Variants in CSMD1 observed in about 807,000 individuals in gnomAD.
The protein encoded by CSMD1 is CUB and Sushi multiple domains 1.
CSMD1 carries 213 observed loss-of-function variants against 417.5 expected under a neutral mutation model. That is an observed-to-expected ratio of 0.51 (90% CI 0.46 to 0.57). The LOEUF (loss-of-function observed/expected upper bound fraction) is 0.57. Ranked by LOEUF, CSMD1 falls within the 20% of genes least tolerant of loss-of-function variation. The pLI, the probability that CSMD1 is intolerant of heterozygous loss-of-function variation, is 0.00. For synonymous variants in CSMD1, 2,862 were observed against 1,736.8 expected, an observed-to-expected ratio of 1.65 and a Z score of -16.11; for missense variants, 6,923 against 4,529.7, an observed-to-expected ratio of 1.53 and a Z score of -15.17.
At chr8:4,766,750 C>A (rs960209107) in intron 1 of CSMD1, among the ~76,000 whole-genome samples, 1 of 152,166 alleles carries the variant, frequency 6.6e-6, no homozygotes, top group African/African-American at 2.4e-5. Context: ...TGTTTCTTCA[C>A]GCCTGATTTA....
chr8:4,297,837 A>G (rs1471821612), intron 3 of CSMD1, among the ~76,000 whole-genome samples: 1 of 152,238 alleles, frequency 6.6e-6, no homozygotes, highest in Non-Finnish European at 1.5e-5. Flanking sequence ...TGAATATGCC[A>G]TTATATAAAC....
Position 3,118,425 on chromosome 8 carries a change from C to T in CSMD1, c.6404G>A (p.Trp2135Ter), listed in dbSNP as rs1260482722. 6.2e-7 allele frequency: 1 copy of T among 1,613,282 alleles called. No individual in the cohort carries two copies. The highest frequency in any genetic ancestry group is 1.7e-5 in the Admixed American group (1 of 59,900). ...LTCQHGINRN[W>*]NYPFPRCDAP... ...ATCACATCTTGGAAAAGGGTAGTTCCAGTTTCTGTTGATCCCATGCTGACA... is the reference window on the plus strand; with the variant it reads ...ATCACATCTTGGAAAAGGGTAGTTCTAGTTTCTGTTGATCCCATGCTGACA... The change falls in exon 42 of 70, where the codon TGG becomes TAG. Residue 2135 changes from tryptophan to a stop codon, truncating the protein, a stop_gained. Coordinates refer to ENST00000635120, the MANE Select transcript of CSMD1 (RefSeq NM_033225.6). LOFTEE classifies it high-confidence loss of function.
At chr8:3,602,544 T>C (rs1801413639) in intron 8 of CSMD1, among the ~76,000 whole-genome samples, 1 of 152,156 alleles carries the variant, frequency 6.6e-6, no homozygotes, top group African/African-American at 2.4e-5. Context: ...AGGCTTCTTT[T>C]AGCCTCAAAG....
chr8:3,450,216 G>A (rs761739578), intron 12 of CSMD1, among the ~76,000 whole-genome samples: 7 of 152,150 alleles, frequency 4.6e-5, no homozygotes, highest in South Asian at 2.1e-4. Flanking sequence ...TAACATCTCC[G>A]TTGACCAACT....
At chr8:4,131,190 C>T (rs1029816938) in intron 3 of CSMD1, among the ~76,000 whole-genome samples, 5 of 152,152 alleles carry the variant, frequency 3.3e-5, no homozygotes, top group African/African-American at 9.7e-5. Context: ...CAAAAGACTT[C>T]ATAGTTAAAT....
In CSMD1 at chr8:4,686,514, G is replaced by C. The variant is rs377173108; in HGVS notation, c.86-48956C>G. ...ATAACCTGTCTCTGAAAACACGGGA[G>C]CACAGCGAAGAACCTGAGCAAACAG... On this transcript the variant is annotated intron_variant, in intron 1 of 69. Coordinates refer to ENST00000635120, the MANE Select transcript of CSMD1 (RefSeq NM_033225.6). 1.3e-3 allele frequency among the ~76,000 whole-genome samples: 203 copies of C among 152,310 alleles called. 1 individual carries two copies. The highest frequency in any genetic ancestry group is 4.8e-3 in the African/African-American group (200 of 41,578).
chr8:4,985,220 G>T (rs1811114110), intron 1 of CSMD1, among the ~76,000 whole-genome samples: 1 of 152,070 alleles, frequency 6.6e-6, no homozygotes, highest in Admixed American at 6.5e-5. Context: ...GAGGGTGGTG[G>T]GTGGGAGGAG....
intron 10 of CSMD1, among the ~76,000 whole-genome samples, chr8:3,543,117 T>C (rs1469410833): frequency 6.6e-6 from 1 of 152,138 alleles, no homozygotes; most frequent in Non-Finnish European, 1.5e-5. Context: ...AATCTGTGCA[T>C]CCTGAAGGAT....
chr8:4,665,125 C>T (rs984808478), intron 1 of CSMD1, among the ~76,000 whole-genome samples: 6 of 152,134 alleles, frequency 3.9e-5, no homozygotes, highest in Non-Finnish European at 8.8e-5. Flanking sequence ...GTATTTCTGG[C>T]AATCTAGATT....
chr8:3,751,262 A>C (rs911472610), intron 6 of CSMD1, among the ~76,000 whole-genome samples: 1 of 151,008 alleles, frequency 6.6e-6, no homozygotes, highest in African/African-American at 2.4e-5. Context: ...ATTAAATGCC[A>C]AATTTTTGAC....
At chr8:4,019,671 G>A (rs1358551766) in intron 4 of CSMD1, among the ~76,000 whole-genome samples, 1 of 152,166 alleles carries the variant, frequency 6.6e-6, no homozygotes, top group African/African-American at 2.4e-5. Context: ...AGTGGCAGTT[G>A]TCTGAGATAA....
intron 23 of CSMD1, among the ~76,000 whole-genome samples, chr8:3,338,991 C>G (rs373645363): frequency 8.4e-4 from 106 of 126,054 alleles, no homozygotes; most frequent in African/African-American, 3.0e-3. Context: ...CCCCCTCCCC[C>G]CACCCCACAA....
chr8:4,305,897 A>G, intron 3 of CSMD1, among the ~76,000 whole-genome samples: 1 of 152,224 alleles, frequency 6.6e-6, no homozygotes, highest in East Asian at 1.9e-4. Flanking sequence ...ATTGTTCTCA[A>G]GCATCAGAAT....
chr8:3,641,084 C>G (rs538723631), intron 7 of CSMD1, among the ~76,000 whole-genome samples: 10 of 124,536 alleles, frequency 8.0e-5, no homozygotes, highest in African/African-American at 3.1e-4. Context: ...TGATTCAGGA[C>G]TCTGAGAAAG....
intron 3 of CSMD1, among the ~76,000 whole-genome samples, chr8:4,279,319 C>T (rs138139724): frequency 1.3e-5 from 2 of 152,284 alleles, no homozygotes; most frequent in African/African-American, 2.4e-5. Flanking sequence ...AAGAAACACA[C>T]AGTCACACAC....
intron 1 of CSMD1, among the ~76,000 whole-genome samples, chr8:4,762,135 T>C (rs1812149924): frequency 6.6e-6 from 1 of 152,024 alleles, no homozygotes; most frequent in Non-Finnish European, 1.5e-5. Flanking sequence ...CTGAAATAAA[T>C]GTAAAAGGTA....
At chr8:3,947,246 A>T (rs1266249647) in intron 5 of CSMD1, among the ~76,000 whole-genome samples, 1 of 152,160 alleles carries the variant, frequency 6.6e-6, no homozygotes, top group African/African-American at 2.4e-5. Context: ...CAGATGCTGA[A>T]TTTTTATCTA....
chr8:4,853,139 T>C (rs534009007), intron 1 of CSMD1, among the ~76,000 whole-genome samples: 5 of 152,312 alleles, frequency 3.3e-5, no homozygotes, highest in African/African-American at 1.2e-4. Flanking sequence ...AAGTGGGCTA[T>C]GGAGCAAACA....
At chr8:4,667,149 T>C (rs1804990481) in intron 1 of CSMD1, among the ~76,000 whole-genome samples, 1 of 152,178 alleles carries the variant, frequency 6.6e-6, no homozygotes, top group African/African-American at 2.4e-5. Flanking sequence ...TTCTCAAATA[T>C]TGTTCGGCCA....
Sources: gnomAD v4.1 joint callset for allele counts (sites outside exome capture counted in the v4.1 genomes callset) on GRCh38, gnomAD v4.1.1 for gene constraint, MANE v1.5 for transcripts, NCBI Gene and HGNC (gene_info 2026-07-23, HGNC 2026-07-21) for gene names.